The following MYPN variants were observed in gnomAD, a reference collection of about 807,000 sequenced individuals.
MYPN encodes the protein myopalladin.
In MYPN, 63 loss-of-function variants were observed where a neutral mutation model predicts 129.4. The observed-to-expected ratio is 0.49, with a 90% CI of 0.40 to 0.60. The LOEUF (loss-of-function observed/expected upper bound fraction) is 0.60. MYPN is among the 20% of genes least tolerant of loss of function. The pLI, the probability that MYPN is intolerant of heterozygous loss-of-function variation, is 0.00. For synonymous variants in MYPN, 629 were observed against 600.9 expected, an observed-to-expected ratio of 1.05 and a Z score of -0.68; for missense variants, 1,596 against 1,635.4, an observed-to-expected ratio of 0.98 and a Z score of 0.42.
intron 6 of MYPN, among the ~76,000 whole-genome samples, chr10:68,157,876 G>A (rs1425077145): frequency 4.2e-5 from 6 of 143,000 alleles, no homozygotes; most frequent in East Asian, 2.0e-4. Context: ...AAACACCCCC[G>A]ACCAATAAAA....
chr10:68,126,540 GATGC>G (rs2042328672), intron 2 of MYPN, among the ~76,000 whole-genome samples: 1 of 152,202 alleles, frequency 6.6e-6, no homozygotes, highest in Non-Finnish European at 1.5e-5. Context: ...CTAGGCATCT[GATGC>G]TCTGGTCGGA....
Position 68,210,417 on chromosome 10 carries a change from T to C in MYPN, c.3925T>C (p.Cys1309Arg). The change falls in exon 20 of 20, where the codon TGC (cysteine) becomes CGC (arginine). Residue 1309 changes from cysteine (C) to arginine (R), a missense_variant. Transcript: ENST00000358913. ...SSMESTMVYS[C>R]SSRSVVESDE... ...CATGGAAAGCACGATGGTGTATTCA[T>C]GCTCTTCTCGGAGTGTAGTGGAGAG... 6.2e-7 allele frequency: 1 copy of C among 1,614,244 alleles called. No homozygotes were observed. Among genetic ancestry groups the C allele is most frequent in the Non-Finnish European group, 8.5e-7 (1 of 1,180,044 alleles).
chr10:68,188,840 A>C, intron 12 of MYPN, 65 bp from the exon 13 acceptor site: 2 of 1,400,550 alleles, frequency 1.4e-6, no homozygotes, highest in Non-Finnish European at 2.0e-6. Flanking sequence ...GGCTTCCTCA[A>C]TTGTACTGAT....
chr10:68,182,323 CATAT>C (rs541704707), intron 12 of MYPN, among the ~76,000 whole-genome samples: 1 of 63,828 alleles, frequency 1.6e-5, no homozygotes, highest in African/African-American at 4.4e-5. Context: ...ATATATATAA[CATAT>C]ATATAACACA....
chr10:68,119,646 A>G (rs2042211907), intron 1 of MYPN, among the ~76,000 whole-genome samples: 1 of 152,190 alleles, frequency 6.6e-6, no homozygotes. Context: ...TCCTGACCTC[A>G]GGTGATCCAC....
chr10:68,093,342 C>T (rs973413376), intron 1 of MYPN, among the ~76,000 whole-genome samples: 6 of 152,056 alleles, frequency 3.9e-5, no homozygotes, highest in African/African-American at 1.2e-4. Context: ...ATGTAGCTGA[C>T]ATCAGAAAGG....
At chr10:68,182,486 A>T (rs2043351874) in intron 12 of MYPN, among the ~76,000 whole-genome samples, 1 of 142,320 alleles carries the variant, frequency 7.0e-6, no homozygotes, top group African/African-American at 2.7e-5. Context: ...ACACACACAC[A>T]CACACACACA....
chr10:68,092,206 G>T lies in MYPN; in HGVS notation c.-2+4214G>T, dbSNP rs112459611. On this transcript the variant is annotated intron_variant, in intron 1 of 6. Coordinates refer to the MYPN transcript ENST00000685154. ...CTTTCCATGTTAAGAAATGTATGTTGTTGGCCGGGTGCAGTGGCTCACACC... is the reference window on the plus strand; with the variant it reads ...CTTTCCATGTTAAGAAATGTATGTTTTTGGCCGGGTGCAGTGGCTCACACC... Among the ~76,000 whole-genome samples, 227 of 152,164 alleles carry T rather than the reference G, an allele frequency of 1.5e-3. 2 individuals are homozygous for T. Among genetic ancestry groups the T allele is most frequent in the Non-Finnish European group, 2.6e-3 (175 of 67,972 alleles).
chr10:68,160,145 C>T (rs186439357), intron 7 of MYPN, among the ~76,000 whole-genome samples: 105 of 152,160 alleles, frequency 6.9e-4, no homozygotes, highest in African/African-American at 2.3e-3. Flanking sequence ...CAGTGGCTCA[C>T]ACCTGTAATC....
intron 4 of MYPN, among the ~76,000 whole-genome samples, chr10:68,147,999 G>A (rs1002678437): frequency 1.3e-5 from 2 of 152,108 alleles, no homozygotes; most frequent in Non-Finnish European, 2.9e-5. Context: ...ATGGGAGGGG[G>A]AGGGAAAATA....
chr10:68,168,612 T>G (rs1048202998), intron 10 of MYPN, among the ~76,000 whole-genome samples: 5 of 152,046 alleles, frequency 3.3e-5, no homozygotes, highest in Non-Finnish European at 7.4e-5. Context: ...CAAACATTGG[T>G]TTGGCCCAAA....
chr10:68,143,136 A>G (rs752537137), intron 3 of MYPN, 21 bp downstream of exon 3: 1 of 1,607,400 alleles, frequency 6.2e-7, no homozygotes, highest in Middle Eastern at 1.7e-4. Context: ...ATGCTCTTGG[A>G]GTATGACACT....
chr10:68,140,339 T>G (rs571267948), intron 2 of MYPN, among the ~76,000 whole-genome samples: 1 of 151,330 alleles, frequency 6.6e-6, no homozygotes, highest in South Asian at 2.1e-4. Flanking sequence ...GGAGAGAGAG[T>G]ATATAGAAAA....
rs1282567767 is a variant in MYPN, at chr10:68,197,656, A to G, written c.3285+178A>G. Among the ~76,000 whole-genome samples the G allele has an allele frequency of 3.9e-5, 6 of 151,990 alleles. No individual in the cohort carries two copies. In the East Asian group the frequency reaches 9.7e-4, roughly 24 times the overall value. ...GTTTGGAGTATTTAATGTCAGATGA[A>G]ATTATTTTATGAAATTTTTGAATCT... On this transcript the variant is annotated intron_variant, in intron 16 of 19. Coordinates refer to ENST00000358913, the MANE Select transcript of MYPN (RefSeq NM_032578.4).
At chr10:68,102,813 T>G (rs550227479), upstream of MYPN, among the ~76,000 whole-genome samples, 6 of 152,344 alleles carry the variant, frequency 3.9e-5, no homozygotes, top group Non-Finnish European at 7.3e-5. Flanking sequence ...AATAGATTTA[T>G]CCCCAGCTAA....
chr10:68,210,322 T>C lies in MYPN; in HGVS notation c.3830T>C (p.Val1277Ala). ...CATCAGATCCCACCGCCCATGTCTG[T>C]CCGGCCCAGTGGCAGTCGCTACGGA... ...WHHQIPPPMS[V>A]RPSGSRYGSL... Residue 1277 changes from valine to alanine, a missense_variant, in exon 20 of 20, where the codon GTC becomes GCC. Coordinates refer to ENST00000358913, the MANE Select transcript of MYPN (RefSeq NM_032578.4). The C allele has an allele frequency of 1.9e-6, 3 of 1,613,950 alleles. No individual in the cohort carries two copies. The highest frequency in any genetic ancestry group is 1.7e-6 in the Non-Finnish European group (2 of 1,180,034).
At chr10:68,122,428 A>C in intron 2 of MYPN, 88 bp downstream of exon 2, 1 of 1,379,264 alleles carries the variant, frequency 7.3e-7, no homozygotes. Context: ...CACCTGGTTT[A>C]CAAAATTATA....
chr10:68,142,991 C>T lies in MYPN; in HGVS notation c.954C>T (p.Val318=), dbSNP rs1157434639. 1 of 1,614,020 alleles carries T rather than the reference C, an allele frequency of 6.2e-7. No homozygotes were observed. Among genetic ancestry groups the T allele is most frequent in the African/African-American group, 1.3e-5 (1 of 74,928 alleles). Residue 318 remains valine, a synonymous_variant, in exon 3 of 20, where the codon GTC becomes GTT. Coordinates refer to ENST00000358913, the MANE Select transcript of MYPN (RefSeq NM_032578.4). ...ELENSPDIHI[V]QAGNLHSLTI... is the part of the protein sequence containing the mutation. Reference sequence around the variant, plus strand: ...AAAATTCCCCAGATATTCACATCGTCCAGGCAGGAAATCTGCACTCACTGA... The same window carrying T: ...AAAATTCCCCAGATATTCACATCGTTCAGGCAGGAAATCTGCACTCACTGA...
chr10:68,094,334 G>A (rs372674397), intron 1 of MYPN, among the ~76,000 whole-genome samples: 1 of 151,176 alleles, frequency 6.6e-6, no homozygotes, highest in African/African-American at 2.4e-5. Context: ...GCGCTATCTC[G>A]GCTCACTGCA....
Sources: gnomAD v4.1 joint callset for allele counts (sites outside exome capture counted in the v4.1 genomes callset) on GRCh38, gnomAD v4.1.1 for gene constraint, MANE v1.5 for transcripts, NCBI Gene and HGNC (gene_info 2026-07-23, HGNC 2026-07-21) for gene names.